Variants in SCAMP1 observed in about 807,000 individuals in gnomAD.
SCAMP1 encodes secretory carrier membrane protein 1.
In SCAMP1, 15 loss-of-function variants were observed where a neutral mutation model predicts 41.8. The observed-to-expected ratio is 0.36, with a 90% CI of 0.24 to 0.55. The LOEUF is 0.55. Among genes scored for constraint, SCAMP1 ranks in the 20% least tolerant of loss-of-function variants. The probability of loss-of-function intolerance (pLI) is 0.86; values close to 1 mark genes in which losing one functional copy is unlikely to be tolerated. For missense variants in SCAMP1, 341 were observed against 412.6 expected, an observed-to-expected ratio of 0.83 and a Z score of 1.50; for synonymous variants, 135 against 136.8, an observed-to-expected ratio of 0.99 and a Z score of 0.09.
At chr5:78,440,651 G>T (rs1456834032) in intron 6 of SCAMP1, among the ~76,000 whole-genome samples, 3 of 152,284 alleles carry the variant, frequency 2.0e-5, no homozygotes, top group East Asian at 1.9e-4. Flanking sequence ...GGCTACTCTG[G>T]GGTCAGGGAC....
At chr5:78,378,832 C>G (rs1751129970) in intron 1 of SCAMP1, among the ~76,000 whole-genome samples, 1 of 152,120 alleles carries the variant, frequency 6.6e-6, no homozygotes, top group Non-Finnish European at 1.5e-5. Flanking sequence ...TCTAAGTCAA[C>G]AAAATAAGAC....
At chr5:78,364,801 G>A (rs903055830) in intron 1 of SCAMP1, among the ~76,000 whole-genome samples, 1 of 149,504 alleles carries the variant, frequency 6.7e-6, no homozygotes, top group Non-Finnish European at 1.5e-5. Flanking sequence ...TTTACTCATC[G>A]CGTGTTCTCA....
At chr5:78,391,549 C>T (rs1328864237) in intron 2 of SCAMP1, among the ~76,000 whole-genome samples, 1 of 152,040 alleles carries the variant, frequency 6.6e-6, no homozygotes, top group Non-Finnish European at 1.5e-5. Context: ...AGGGGCTCTT[C>T]ACTTCTCAGA....
At chr5:78,404,765 TAAG>T (rs1751891478) in intron 2 of SCAMP1, among the ~76,000 whole-genome samples, 1 of 152,192 alleles carries the variant, frequency 6.6e-6, no homozygotes, top group Admixed American at 6.5e-5. Context: ...GAGGCCTTGT[TAAG>T]AACAGAGTGC....
intron 1 of SCAMP1, among the ~76,000 whole-genome samples, chr5:78,380,738 T>C (rs1295629754): frequency 6.6e-6 from 1 of 152,114 alleles, no homozygotes; most frequent in Non-Finnish European, 1.5e-5. Flanking sequence ...GAAAAAAAGA[T>C]CACTGATCAC....
At chr5:78,452,181 TTTTC>T (rs1025653127) in intron 7 of SCAMP1, among the ~76,000 whole-genome samples, 1 of 150,396 alleles carries the variant, frequency 6.6e-6, no homozygotes, top group African/African-American at 2.5e-5. Flanking sequence ...TTTAGTTTTC[TTTTC>T]TTTTTTTTTT....
rs531619824 is a variant in SCAMP1, at chr5:78,360,654, A to T, written c.-18A>T. The T allele has an allele frequency of 1.2e-6, 2 of 1,603,416 alleles. No homozygotes were observed. Among genetic ancestry groups the T allele is most frequent in the East Asian group, 2.3e-5 (1 of 44,086 alleles). ...TCTCTGCGCCTGGGTCGGGTGGGTG[A>T]CGCCGAGAGCCAGAGAGATGTCGGA... On this transcript the variant is annotated 5_prime_UTR_variant, in exon 1 of 9. Coordinates refer to ENST00000621999, the MANE Select transcript of SCAMP1 (RefSeq NM_004866.6).
chr5:78,441,259 G>T (rs964480635), intron 6 of SCAMP1, among the ~76,000 whole-genome samples: 1 of 152,204 alleles, frequency 6.6e-6, no homozygotes. Context: ...AGTTGGAAAT[G>T]CAGAAATCAT....
chr5:78,458,624 G>C (rs1257258832), intron 7 of SCAMP1, among the ~76,000 whole-genome samples: 1 of 152,138 alleles, frequency 6.6e-6, no homozygotes, highest in Non-Finnish European at 1.5e-5. Context: ...AGTGGCTCAC[G>C]CTATAATCCC....
In SCAMP1 at chr5:78,366,133, CCTTTT is replaced by C. The variant is rs1286455583; in HGVS notation, c.57+5421_57+5425del. 3.4e-5 allele frequency among the ~76,000 whole-genome samples: 5 copies of C among 147,718 alleles called. No homozygotes were observed. In the South Asian group the frequency reaches 6.4e-4, roughly 19 times the overall value. Reference sequence around the variant, plus strand: ...GAAGGGGATGGCAGCTCTTTGGGGCCCTTTTCTTTTCTTTTCTTTTTTTTTTTTGA... The same window carrying C: ...GAAGGGGATGGCAGCTCTTTGGGGCCCTTTTCTTTTCTTTTTTTTTTTTGA... On this transcript the variant is annotated intron_variant, in intron 1 of 8. Coordinates refer to ENST00000621999, the MANE Select transcript of SCAMP1 (RefSeq NM_004866.6).
chr5:78,454,089 C>T (rs1221460946), intron 7 of SCAMP1, among the ~76,000 whole-genome samples: 4 of 152,292 alleles, frequency 2.6e-5, no homozygotes, highest in South Asian at 2.1e-4. Context: ...TGGGCTGAGA[C>T]AGTGGGGTTT....
chr5:78,423,661 A>C (rs1284585645), intron 6 of SCAMP1, among the ~76,000 whole-genome samples: 1 of 144,768 alleles, frequency 6.9e-6, no homozygotes, highest in African/African-American at 2.4e-5. Context: ...TATTTCCTGA[A>C]GTCACTTGGT....
intron 1 of SCAMP1, among the ~76,000 whole-genome samples, chr5:78,386,711 T>C (rs942197224): frequency 1.3e-5 from 2 of 152,166 alleles, no homozygotes; most frequent in Admixed American, 6.5e-5. Context: ...TATCCTTCAT[T>C]TATAAAGCTT....
At chr5:78,407,980 A>G (rs967152629) in intron 2 of SCAMP1, among the ~76,000 whole-genome samples, 1 of 152,000 alleles carries the variant, frequency 6.6e-6, no homozygotes, top group African/African-American at 2.4e-5. Flanking sequence ...GTAATTTGCT[A>G]TTTCTGTGGA....
chr5:78,450,660 A>G (rs1753203110), intron 7 of SCAMP1, among the ~76,000 whole-genome samples: 1 of 152,248 alleles, frequency 6.6e-6, no homozygotes, highest in Non-Finnish European at 1.5e-5. Context: ...TGGGTGGAAG[A>G]GTACACATCT....
At chr5:78,399,794 G>C (rs908870184) in intron 2 of SCAMP1, among the ~76,000 whole-genome samples, 2 of 152,134 alleles carry the variant, frequency 1.3e-5, no homozygotes, top group African/African-American at 4.8e-5. Flanking sequence ...TAATTTTAAG[G>C]AAGTCCAGCT....
In SCAMP1 at chr5:78,365,796, T is replaced by C. The variant is rs1477030310; in HGVS notation, c.57+5068T>C. On this transcript the variant is annotated intron_variant, in intron 1 of 8. Coordinates refer to ENST00000621999, the MANE Select transcript of SCAMP1 (RefSeq NM_004866.6). ...TTAATTTTAGTCTATTGAAATTTTT[T>C]TTAGAAATGGCCTAAAATTCAGCAT... Among the ~76,000 whole-genome samples the C allele has an allele frequency of 2.0e-5, 3 of 152,226 alleles. No homozygotes were observed. The East Asian group carries it at 5.8e-4, about 29-fold the overall frequency.
At position 78,471,743 on chromosome 5, in the gene SCAMP1, CTG is replaced by C. The variant is rs369041392; in HGVS notation, c.853-3758_853-3757del. Among the ~76,000 whole-genome samples, 67 of 152,264 alleles carry C rather than the reference CTG, an allele frequency of 4.4e-4. 1 individual carries two copies. Among genetic ancestry groups the C allele is most frequent in the African/African-American group, 1.6e-3 (65 of 41,556 alleles). ...TTATGGAGCCGCATCTACATTTTGG[CTG>C]TGACACTTCGGCAGATACTTAAAAA... On this transcript the variant is annotated intron_variant, in intron 8 of 8. Transcript: ENST00000621999.
In SCAMP1 at chr5:78,479,731, G is replaced by A. The variant is rs1754090109; in HGVS notation, c.*4063G>A. Among the ~76,000 whole-genome samples the A allele has an allele frequency of 6.6e-6, 1 of 152,156 alleles. No individual in the cohort carries two copies. The highest frequency in any genetic ancestry group is 1.5e-5 in the Non-Finnish European group (1 of 68,022). On this transcript the variant is annotated 3_prime_UTR_variant, in exon 9 of 9. Transcript: ENST00000621999. Reference sequence around the variant, plus strand: ...TTTACAATTTAACTTTGGGGTTTGGGTAAGACAAACATTTAATGTATAGGA... The same window carrying A: ...TTTACAATTTAACTTTGGGGTTTGGATAAGACAAACATTTAATGTATAGGA...
Sources: allele counts gnomAD v4.1 joint callset (sites outside exome capture counted in the v4.1 genomes callset), GRCh38; gene constraint gnomAD v4.1.1; transcripts MANE v1.5; gene names NCBI Gene and HGNC (gene_info 2026-07-23, HGNC 2026-07-21).